C1QTNF3: variants seen among roughly 807,000 people sequenced by gnomAD.
The protein encoded by C1QTNF3 is complement C1q tumor necrosis factor-related protein 3.
In C1QTNF3, 26 loss-of-function variants were observed where a neutral mutation model predicts 32.6. The observed-to-expected ratio is 0.80, with a 90% CI of 0.58 to 1.11. The LOEUF is 1.11. C1QTNF3 is among the 50% of genes least tolerant of loss of function. C1QTNF3 has a pLI of 0.00. For missense variants in C1QTNF3, 362 were observed against 398.2 expected, an observed-to-expected ratio of 0.91 and a Z score of 0.77; for synonymous variants, 155 against 146.0, an observed-to-expected ratio of 1.06 and a Z score of -0.44.
At chr5:34,126,047 T>A in the C1QTNF3 span, among the ~76,000 whole-genome samples, 1 of 152,248 alleles carries the variant, frequency 6.6e-6, no homozygotes, top group Admixed American at 6.5e-5. Flanking sequence ...GAAAAGATAG[T>A]GTTCTTTTGC....
the C1QTNF3 span, among the ~76,000 whole-genome samples, chr5:34,117,320 C>T: frequency 6.6e-6 from 1 of 152,224 alleles, no homozygotes; most frequent in Non-Finnish European, 1.5e-5. Flanking sequence ...ATATTAACTT[C>T]CATACAATTT....
At chr5:34,165,859 T>G in the C1QTNF3 span, 1 of 147,598 alleles carries the variant, frequency 6.8e-6, no homozygotes, top group Non-Finnish European at 1.5e-5. Flanking sequence ...AAACAGATCC[T>G]CTAGCCAGGA....
the C1QTNF3 span, chr5:34,191,529 T>C: frequency 1.4e-6 from 1 of 711,344 alleles, no homozygotes; most frequent in East Asian, 2.7e-5. Flanking sequence ...CCCCCAGGGG[T>C]GGCTCCCCCA....
the C1QTNF3 span, among the ~76,000 whole-genome samples, chr5:34,140,680 TA>T: frequency 6.6e-6 from 1 of 152,224 alleles, no homozygotes; most frequent in African/African-American, 2.4e-5. Context: ...GTGGTAAAAT[TA>T]AAAAAATTCT....
chr5:34,168,396 T>C, the C1QTNF3 span: 1 of 150,966 alleles, frequency 6.6e-6, no homozygotes, highest in Non-Finnish European at 1.5e-5. Context: ...GTGTGAGGGA[T>C]TTATTTGGAT....
At chr5:34,196,010 C>G in the C1QTNF3 span, among the ~76,000 whole-genome samples, 1 of 152,298 alleles carries the variant, frequency 6.6e-6, no homozygotes, top group Non-Finnish European at 1.5e-5. Flanking sequence ...TTTCTCCCTA[C>G]CATGTGAGGA....
chr5:34,088,165 C>G, the C1QTNF3 span, among the ~76,000 whole-genome samples: 1 of 152,336 alleles, frequency 6.6e-6, no homozygotes, highest in African/African-American at 2.4e-5. Flanking sequence ...AATCAAGTAG[C>G]AGATGGGTTA....
At chr5:34,156,029 C>T in the C1QTNF3 span, among the ~76,000 whole-genome samples, 3 of 152,208 alleles carry the variant, frequency 2.0e-5, no homozygotes, top group South Asian at 2.1e-4. Flanking sequence ...TGTGATGTCT[C>T]GACTACACCA....
the C1QTNF3 span, among the ~76,000 whole-genome samples, chr5:34,242,301 C>T: frequency 2.0e-5 from 3 of 152,022 alleles, no homozygotes; most frequent in Non-Finnish European, 4.4e-5. Context: ...GATACTGTTA[C>T]AAAAGCAGAC....
the C1QTNF3 span, among the ~76,000 whole-genome samples, chr5:34,098,798 T>C: frequency 4.6e-5 from 7 of 152,210 alleles, no homozygotes; most frequent in African/African-American, 1.7e-4. Flanking sequence ...CTCACTAAAT[T>C]TGCATAACAT....
the C1QTNF3 span, among the ~76,000 whole-genome samples, chr5:34,233,049 TAAGA>T: frequency 6.6e-6 from 1 of 150,700 alleles, no homozygotes; most frequent in Non-Finnish European, 1.5e-5. Context: ...TCTTCCCACA[TAAGA>T]ATAAGTTATA....
chr5:34,229,457 TGTG>T, the C1QTNF3 span, among the ~76,000 whole-genome samples: 1 of 152,136 alleles, frequency 6.6e-6, no homozygotes, highest in Non-Finnish European at 1.5e-5. Context: ...AACATATTGA[TGTG>T]GTAGTCAGAA....
chr5:34,141,114 T>C, the C1QTNF3 span, among the ~76,000 whole-genome samples: 2 of 152,004 alleles, frequency 1.3e-5, no homozygotes, highest in Non-Finnish European at 2.9e-5. Flanking sequence ...GTTGGCAGGG[T>C]TGACTCCTTC....
At chr5:34,168,137 A>G in the C1QTNF3 span, 7 of 152,244 alleles carry the variant, frequency 4.6e-5, no homozygotes, top group South Asian at 1.3e-3. Flanking sequence ...TTCTGTAAAC[A>G]GTATTAATAT....
At chr5:34,055,097 A>G in the C1QTNF3 span, among the ~76,000 whole-genome samples, 1 of 152,122 alleles carries the variant, frequency 6.6e-6, no homozygotes, top group East Asian at 1.9e-4. Flanking sequence ...TAATCAATTT[A>G]TTTTTCAGCA....
the C1QTNF3 span, chr5:34,165,369 G>GT: frequency 2.6e-5 from 4 of 152,066 alleles, no homozygotes; most frequent in South Asian, 6.2e-4. Flanking sequence ...CTCTCTCTCT[G>GT]TATGTGTAGG....
chr5:34,171,172 AC>A, the C1QTNF3 span, among the ~76,000 whole-genome samples: 1 of 151,878 alleles, frequency 6.6e-6, no homozygotes, highest in African/African-American at 2.4e-5. Context: ...GCTTTGCTTG[AC>A]TCATTCTGAA....
the C1QTNF3 span, among the ~76,000 whole-genome samples, chr5:34,053,333 A>G: frequency 6.6e-6 from 1 of 152,210 alleles, no homozygotes; most frequent in African/African-American, 2.4e-5. Context: ...GGCATCCCAA[A>G]TACATTTCTT....
At chr5:34,225,213 A>G in the C1QTNF3 span, among the ~76,000 whole-genome samples, 19 of 152,090 alleles carry the variant, frequency 1.2e-4, no homozygotes, top group East Asian at 2.9e-3. Context: ...GGCTATTGCA[A>G]TAACAAAAGA....
Sources: gnomAD v4.1 joint callset for allele counts (sites outside exome capture counted in the v4.1 genomes callset) on GRCh38, gnomAD v4.1.1 for gene constraint, MANE v1.5 for transcripts, NCBI Gene and HGNC (gene_info 2026-07-23, HGNC 2026-07-21) for gene names.